SLC71A1: variants seen among roughly 807,000 people sequenced by gnomAD.
SLC71A1 encodes solute carrier family 71 member 1.
At chr1:100,057,563 C>T in the SLC71A1 span, among the ~76,000 whole-genome samples, 1 of 152,072 alleles carries the variant, frequency 6.6e-6, no homozygotes, top group South Asian at 2.1e-4. Flanking sequence ...ACATGTTGGC[C>T]AGGCTGGTCT....
At chr1:100,048,050 T>C in the SLC71A1 span, among the ~76,000 whole-genome samples, 1 of 152,182 alleles carries the variant, frequency 6.6e-6, no homozygotes, top group African/African-American at 2.4e-5. Flanking sequence ...ATACATGTTA[T>C]ATCCTACTTT....
the SLC71A1 span, among the ~76,000 whole-genome samples, chr1:100,041,752 C>T: frequency 2.6e-5 from 4 of 152,050 alleles, no homozygotes; most frequent in African/African-American, 9.7e-5. Context: ...GGTGAAACCC[C>T]ATCTTTACCA....
chr1:100,061,624 T>C, the SLC71A1 span, among the ~76,000 whole-genome samples: 2 of 152,224 alleles, frequency 1.3e-5, no homozygotes, highest in African/African-American at 4.8e-5. Context: ...TATTCCTGTA[T>C]AGTAGCTGAG....
chr1:100,059,144 G>GTGTTTTTTTTTTTTTTT, the SLC71A1 span, among the ~76,000 whole-genome samples: 9 of 75,430 alleles, frequency 1.2e-4, 1 homozygote, highest in African/African-American at 3.5e-4. Context: ...TCTTTTTCGT[G>GTGTTTTTTTTTTTTTTT]TTTTTTTTTT....
At chr1:100,054,100 G>A in the SLC71A1 span, among the ~76,000 whole-genome samples, 9 of 149,058 alleles carry the variant, frequency 6.0e-5, no homozygotes, top group Non-Finnish European at 1.0e-4. Flanking sequence ...GGAGTGCAGT[G>A]GCGTGATCTC....
the SLC71A1 span, among the ~76,000 whole-genome samples, chr1:100,050,989 G>A: frequency 1.3e-5 from 2 of 151,644 alleles, no homozygotes; most frequent in East Asian, 3.9e-4. Context: ...GGAGGCTAAG[G>A]CAGGAGAATC....
the SLC71A1 span, chr1:100,082,418 G>T: frequency 3.8e-5 from 21 of 552,692 alleles, no homozygotes; most frequent in Admixed American, 9.7e-5. Flanking sequence ...AAAACCTTTT[G>T]TTTATTAGCA....
At chr1:100,078,385 T>C in the SLC71A1 span, 2 of 1,000,854 alleles carry the variant, frequency 2.0e-6, no homozygotes, top group South Asian at 2.9e-5. Flanking sequence ...TACTTAATTA[T>C]GTAGTTTGAC....
At chr1:100,081,124 T>TGAG in the SLC71A1 span, among the ~76,000 whole-genome samples, 1 of 152,228 alleles carries the variant, frequency 6.6e-6, no homozygotes, top group East Asian at 1.9e-4. Context: ...AGCAGAGTTC[T>TGAG]GTACTTATCT....
chr1:100,065,553 CTCCTT>C, the SLC71A1 span, among the ~76,000 whole-genome samples: 12 of 135,910 alleles, frequency 8.8e-5, no homozygotes, highest in Admixed American at 4.9e-4. Flanking sequence ...TTTCACCTTT[CTCCTT>C]TCCTTTCCTT....
the SLC71A1 span, among the ~76,000 whole-genome samples, chr1:100,047,036 T>G: frequency 6.6e-6 from 1 of 152,224 alleles, no homozygotes; most frequent in Non-Finnish European, 1.5e-5. Context: ...TTTTCTAATT[T>G]GCATGCCTTT....
the SLC71A1 span, among the ~76,000 whole-genome samples, chr1:100,065,922 C>T: frequency 2.0e-5 from 3 of 152,110 alleles, no homozygotes; most frequent in African/African-American, 7.2e-5. Context: ...GATCTCCCAC[C>T]TCAGCCTCCT....
At chr1:100,046,211 C>CATT in the SLC71A1 span, among the ~76,000 whole-genome samples, 1 of 69,460 alleles carries the variant, frequency 1.4e-5, no homozygotes, top group Non-Finnish European at 3.1e-5. Context: ...CTCCAAGCCT[C>CATT]GTTTTTTTTT....
the SLC71A1 span, chr1:100,038,400 C>G: frequency 8.9e-7 from 1 of 1,119,380 alleles, no homozygotes; most frequent in African/African-American, 1.5e-5. Flanking sequence ...CGTCTCTAGG[C>G]GTCCCGGTGC....
the SLC71A1 span, among the ~76,000 whole-genome samples, chr1:100,042,672 A>C: frequency 6.6e-6 from 1 of 150,654 alleles, no homozygotes; most frequent in African/African-American, 2.5e-5. Flanking sequence ...CAATGGCGTG[A>C]TCTTGGCTCA....
At chr1:100,056,919 G>A in the SLC71A1 span, among the ~76,000 whole-genome samples, 53 of 152,116 alleles carry the variant, frequency 3.5e-4, no homozygotes, top group African/African-American at 1.3e-3. Flanking sequence ...GCATTTCCCC[G>A]ATGATCAGTG....
At chr1:100,038,132 C>G in the SLC71A1 span, 3 of 1,061,114 alleles carry the variant, frequency 2.8e-6, no homozygotes, top group Non-Finnish European at 4.2e-6. Context: ...GGCGGGCGCC[C>G]AGAGCGGCTC....
chr1:100,068,721 G>A, the SLC71A1 span: 22 of 626,280 alleles, frequency 3.5e-5, no homozygotes, highest in African/African-American at 9.3e-5. Context: ...AGTGGCTCAC[G>A]CCTGTAATCT....
the SLC71A1 span, chr1:100,068,506 C>G: frequency 2.5e-6 from 4 of 1,613,756 alleles, no homozygotes; most frequent in Non-Finnish European, 3.4e-6. Context: ...TTCCATAGTG[C>G]TGCTGATCTG....
Sources: gnomAD v4.1 joint callset for allele counts (sites outside exome capture counted in the v4.1 genomes callset) on GRCh38, gnomAD v4.1.1 for gene constraint, MANE v1.5 for transcripts, NCBI Gene and HGNC (gene_info 2026-07-23, HGNC 2026-07-21) for gene names.